ZNF609: variants seen among roughly 807,000 people sequenced by gnomAD.
ZNF609 encodes the protein zinc finger protein 609.
A neutral mutation model predicts 109.5 loss-of-function variants in ZNF609; 11 were observed. The observed-to-expected ratio is 0.10, with a 90% CI of 0.06 to 0.17. ZNF609 has a LOEUF of 0.17. Among genes scored for constraint, ZNF609 ranks in the 10% least tolerant of loss-of-function variants. The probability of loss-of-function intolerance (pLI) is 1.00; values close to 1 mark genes in which losing one functional copy is unlikely to be tolerated. For missense variants in ZNF609, 1,559 were observed against 1,772.4 expected, an observed-to-expected ratio of 0.88 and a Z score of 2.16; for synonymous variants, 646 against 662.0, an observed-to-expected ratio of 0.98 and a Z score of 0.37.
intron 2 of ZNF609, among the ~76,000 whole-genome samples, chr15:64,546,561 C>G (rs1894364706): frequency 6.6e-6 from 1 of 151,966 alleles, no homozygotes. Context: ...CAGCCCCAAC[C>G]TCCCAGGCTC....
intron 2 of ZNF609, among the ~76,000 whole-genome samples, chr15:64,503,996 C>A (rs921307659): frequency 6.6e-6 from 1 of 152,172 alleles, no homozygotes; most frequent in Non-Finnish European, 1.5e-5. Context: ...ATTGCCTAAC[C>A]AAGGTCAGGT....
chr15:64,528,608 C>T (rs1430278338), intron 2 of ZNF609: 3 of 715,640 alleles, frequency 4.2e-6, no homozygotes, highest in Non-Finnish European at 7.3e-6. Flanking sequence ...AGGGACTCCC[C>T]AGCAGTAAGA....
intron 2 of ZNF609, among the ~76,000 whole-genome samples, chr15:64,523,240 A>G (rs573783004): frequency 2.0e-5 from 3 of 152,338 alleles, no homozygotes; most frequent in East Asian, 1.9e-4. Context: ...AAAAGTATAC[A>G]TCCTATACTA....
chr15:64,539,761 G>A (rs1327859028), intron 2 of ZNF609, among the ~76,000 whole-genome samples: 2 of 152,030 alleles, frequency 1.3e-5, no homozygotes, highest in Admixed American at 6.6e-5. Context: ...CCAAAGTGCT[G>A]GGATTACAGG....
chr15:64,586,493 C>T (rs1192566532), intron 2 of ZNF609, among the ~76,000 whole-genome samples: 1 of 152,108 alleles, frequency 6.6e-6, no homozygotes, highest in Non-Finnish European at 1.5e-5. Context: ...TGAGCTCTGC[C>T]TCCTGTCAGA....
chr15:64,537,862 A>T (rs1486642451), intron 2 of ZNF609, among the ~76,000 whole-genome samples: 1 of 152,156 alleles, frequency 6.6e-6, no homozygotes, highest in African/African-American at 2.4e-5. Flanking sequence ...TTTGCAAAGG[A>T]GGCTGAGGTG....
At chr15:64,643,202 C>G (rs930939579) in intron 3 of ZNF609, among the ~76,000 whole-genome samples, 5 of 152,210 alleles carry the variant, frequency 3.3e-5, no homozygotes, top group Non-Finnish European at 5.9e-5. Flanking sequence ...CAGGCATCCT[C>G]TTGCAACTCT....
intron 2 of ZNF609, chr15:64,529,734 G>A: frequency 1.6e-6 from 1 of 610,668 alleles, no homozygotes; most frequent in East Asian, 3.3e-5. Flanking sequence ...AACAGGAGGA[G>A]CAGAGACTTT....
chr15:64,483,515 T>G (rs751093076), intron 1 of ZNF609, among the ~76,000 whole-genome samples: 12 of 151,924 alleles, frequency 7.9e-5, no homozygotes, highest in Non-Finnish European at 1.8e-4. Flanking sequence ...ACCTTCTGAG[T>G]AGCTGGGACT....
chr15:64,554,821 G>C (rs949087587), intron 2 of ZNF609, among the ~76,000 whole-genome samples: 7 of 151,952 alleles, frequency 4.6e-5, no homozygotes, highest in Non-Finnish European at 4.4e-5. Context: ...TTCCGGCCAG[G>C]TGTGGTGGCT....
chr15:64,473,527 A>T lies in ZNF609; in HGVS notation c.-128+12689A>T, dbSNP rs1286547445. Reference sequence around the variant, plus strand: ...TTTGGTTCTTTTTTTCGTCCTCACCACCTCATCTGAATCATTCACCAAATT... The same window carrying T: ...TTTGGTTCTTTTTTTCGTCCTCACCTCCTCATCTGAATCATTCACCAAATT... On this transcript the variant is annotated intron_variant, in intron 1 of 9. Coordinates refer to ENST00000326648, the MANE Select transcript of ZNF609 (RefSeq NM_015042.2). 2.6e-5 allele frequency among the ~76,000 whole-genome samples: 4 copies of T among 151,156 alleles called. No homozygotes were observed. The South Asian group carries it at 8.4e-4, about 32-fold the overall frequency.
intron 1 of ZNF609, among the ~76,000 whole-genome samples, chr15:64,471,595 TC>T (rs1205460693): frequency 6.6e-6 from 1 of 152,144 alleles, no homozygotes; most frequent in Non-Finnish European, 1.5e-5. Flanking sequence ...GTTTTTTTTG[TC>T]CCCCCAAGAT....
At chr15:64,681,545 A>G (rs536779479) in intron 9 of ZNF609, 147 bp from the exon 10 acceptor site, 61 of 620,776 alleles carry the variant, frequency 9.8e-5, no homozygotes, top group Admixed American at 8.4e-4. Context: ...CCGTGAAGCC[A>G]TGTGCATCTG....
At chr15:64,478,377 C>CT (rs1161076966) in intron 1 of ZNF609, among the ~76,000 whole-genome samples, 2,430 of 146,724 alleles carry the variant, frequency 0.017, 68 homozygotes, top group African/African-American at 0.056. Flanking sequence ...AATAAATGAA[C>CT]TTTTTTTTTT....
At chr15:64,514,067 G>A (rs1386331554) in intron 2 of ZNF609, among the ~76,000 whole-genome samples, 1 of 150,752 alleles carries the variant, frequency 6.6e-6, no homozygotes, top group East Asian at 1.9e-4. Context: ...ACTCCAGCCT[G>A]GGCAGCAGAG....
intron 2 of ZNF609, among the ~76,000 whole-genome samples, chr15:64,522,895 A>G (rs576261229): frequency 3.4e-4 from 51 of 151,722 alleles, no homozygotes; most frequent in African/African-American, 1.2e-3. Flanking sequence ...ATGGATTTCT[A>G]TGTTGACCAG....
chr15:64,477,702 C>T (rs1893193441), intron 1 of ZNF609, among the ~76,000 whole-genome samples: 1 of 151,160 alleles, frequency 6.6e-6, no homozygotes, highest in South Asian at 2.1e-4. Flanking sequence ...GATCTCAGCT[C>T]ACTGCAACAT....
At chr15:64,635,073 G>T (rs1026678434) in intron 3 of ZNF609, among the ~76,000 whole-genome samples, 1 of 152,096 alleles carries the variant, frequency 6.6e-6, no homozygotes, top group Non-Finnish European at 1.5e-5. Flanking sequence ...TTTGCAAATG[G>T]CAAAATAGAC....
At chr15:64,593,439 C>A in intron 2 of ZNF609, 2 of 663,386 alleles carry the variant, frequency 3.0e-6, no homozygotes, top group Non-Finnish European at 2.7e-6. Flanking sequence ...CTAATTGACA[C>A]AAAAATGTTC....
Sources: gnomAD v4.1 joint callset for allele counts (sites outside exome capture counted in the v4.1 genomes callset) on GRCh38, gnomAD v4.1.1 for gene constraint, MANE v1.5 for transcripts, NCBI Gene and HGNC (gene_info 2026-07-23, HGNC 2026-07-21) for gene names.